Variants in MVB12B observed in about 807,000 individuals in gnomAD.
MVB12B encodes multivesicular body subunit 12B, also known as ESCRT-I complex subunit MVB12B.
Under a neutral mutation model 41.6 loss-of-function variants are expected in MVB12B, and 16 were observed. The ratio of observed to expected loss-of-function variants is 0.38; its 90% CI spans 0.26 to 0.58. MVB12B has a LOEUF of 0.58. Among genes scored for constraint, MVB12B ranks in the 20% least tolerant of loss-of-function variants. The probability of loss-of-function intolerance (pLI) is 0.62; values close to 1 mark genes in which losing one functional copy is unlikely to be tolerated. For missense variants in MVB12B, 274 were observed against 380.2 expected (o/e 0.72, Z 2.32); for synonymous variants, 133 against 139.7 (o/e 0.95, Z 0.34).
At chr9:126,402,841 A>G (rs889545497) in intron 6 of MVB12B, among the ~76,000 whole-genome samples, 1 of 152,202 alleles carries the variant, frequency 6.6e-6, no homozygotes, top group African/African-American at 2.4e-5. Flanking sequence ...CAGAACATAC[A>G]TTTTCATTGT....
chr9:126,343,934 T>A (rs1829518780), intron 2 of MVB12B, among the ~76,000 whole-genome samples: 1 of 151,752 alleles, frequency 6.6e-6, no homozygotes, highest in Non-Finnish European at 1.5e-5. Context: ...ATAAATTAAT[T>A]AATAAATAAA....
chr9:126,358,606 G>A (rs1401286973), intron 2 of MVB12B, among the ~76,000 whole-genome samples: 1 of 152,132 alleles, frequency 6.6e-6, no homozygotes, highest in East Asian at 1.9e-4. Context: ...CATTCTTGTT[G>A]ATAGAAATAC....
At chr9:126,431,689 G>A (rs1250196338) in intron 7 of MVB12B, among the ~76,000 whole-genome samples, 1 of 152,142 alleles carries the variant, frequency 6.6e-6, no homozygotes, top group Non-Finnish European at 1.5e-5. Flanking sequence ...ACTTGGAAAA[G>A]GGTTAAATCT....
intron 7 of MVB12B, among the ~76,000 whole-genome samples, chr9:126,443,285 C>G (rs1032653079): frequency 2.0e-5 from 3 of 152,158 alleles, no homozygotes; most frequent in Non-Finnish European, 4.4e-5. Context: ...GGGTGGACCT[C>G]CTGTCCCTCT....
chr9:126,401,327 C>T (rs1049805316), intron 6 of MVB12B, among the ~76,000 whole-genome samples: 3 of 152,248 alleles, frequency 2.0e-5, no homozygotes, highest in Non-Finnish European at 4.4e-5. Context: ...CAGTCATCTT[C>T]CTGTAATTTG....
intron 9 of MVB12B, among the ~76,000 whole-genome samples, chr9:126,499,615 G>A (rs1036856342): frequency 6.6e-6 from 1 of 152,160 alleles, no homozygotes; most frequent in African/African-American, 2.4e-5. Flanking sequence ...ACGGCGGGAG[G>A]AGCGGGCAGG....
chr9:126,389,574 G>A lies in MVB12B; in HGVS notation c.410-2492G>A, dbSNP rs1225457177. On this transcript the variant is annotated intron_variant, in intron 4 of 9. Coordinates refer to ENST00000361171, the MANE Select transcript of MVB12B (RefSeq NM_033446.3). The surrounding 1 kb of genome is among the most constrained non-coding windows in gnomAD (Gnocchi z 4.4). ...GGCTCCATCTCTTAACCCCGAGTTTGCTGCAGACGGAAGAATGGAGCCAAG... is the reference window on the plus strand; with the variant it reads ...GGCTCCATCTCTTAACCCCGAGTTTACTGCAGACGGAAGAATGGAGCCAAG... 1.3e-5 allele frequency among the ~76,000 whole-genome samples: 2 copies of A among 152,204 alleles called. No homozygotes were observed. The highest frequency in any genetic ancestry group is 2.9e-5 in the Non-Finnish European group (2 of 68,040).
chr9:126,478,124 C>G lies in MVB12B; in HGVS notation c.758-3245C>G, dbSNP rs1833454413. On this transcript the variant is annotated intron_variant, in intron 7 of 9. Coordinates refer to ENST00000361171, the MANE Select transcript of MVB12B (RefSeq NM_033446.3). This position sits in a 1 kb window ranked among gnomAD's most constrained non-coding sequence, Gnocchi z 4.2. ...CACACCATTGTGAATGTTCTAAATG[C>G]CACTGAATTGTTCACTTTAAAATGG... Among the ~76,000 whole-genome samples, 1 of 152,166 alleles carries G rather than the reference C, an allele frequency of 6.6e-6. No individual in the cohort carries two copies. The highest frequency in any genetic ancestry group is 2.4e-5 in the African/African-American group (1 of 41,420).
At chr9:126,447,721 C>G (rs1352621104) in intron 7 of MVB12B, among the ~76,000 whole-genome samples, 1 of 152,014 alleles carries the variant, frequency 6.6e-6, no homozygotes, top group Non-Finnish European at 1.5e-5. Flanking sequence ...GTATGTATAC[C>G]CCCATATAGA....
chr9:126,412,606 A>C (rs1360293008), intron 6 of MVB12B, among the ~76,000 whole-genome samples: 1 of 152,212 alleles, frequency 6.6e-6, no homozygotes, highest in African/African-American at 2.4e-5. Flanking sequence ...GATTAAAAGA[A>C]ATAATTTCTC....
In MVB12B at chr9:126,386,425, G is replaced by A. The variant is rs893963142; in HGVS notation, c.313-137G>A. The A allele has an allele frequency of 1.3e-5, 8 of 626,192 alleles. No homozygotes were observed. The highest frequency in any genetic ancestry group is 2.4e-5 in the Admixed American group (1 of 42,550). The allele number at this position is 626,192 out of a possible 1,614,324, so 38.8% of individuals were successfully genotyped here. A position where few individuals can be genotyped will look rare whatever the true frequency, so the allele number is the denominator to read the frequency against. The stretch of plus-strand genomic sequence containing the variant: ...GCATAACCACTGGGGACCATTAAGT[G>A]TCACCTACTCTAATTAACCTGCTGT... On this transcript the variant is annotated intron_variant, in intron 3 of 9. Transcript: ENST00000361171. This position sits in a 1 kb window ranked among gnomAD's most constrained non-coding sequence, Gnocchi z 4.3.
In MVB12B at chr9:126,484,037, G is replaced by A; in HGVS notation, c.873+5G>A. The stretch of plus-strand genomic sequence containing the variant: ...CTAGCAGAAATCGAAAAAGAGGTAA[G>A]CAAGCCATCAGGGGAGGGGAGGGCA... On this transcript the variant is annotated splice_donor_5th_base_variant and intron_variant, in intron 9 of 9. Transcript: ENST00000361171. The A allele has an allele frequency of 1.9e-6, 3 of 1,613,968 alleles. No individual in the cohort carries two copies. The highest frequency in any genetic ancestry group is 2.2e-5 in the East Asian group (1 of 44,874).
chr9:126,491,581 A>C (rs1456217969), intron 9 of MVB12B, among the ~76,000 whole-genome samples: 3 of 152,068 alleles, frequency 2.0e-5, no homozygotes, highest in African/African-American at 7.2e-5. Flanking sequence ...TTATTTCTTT[A>C]TTTTTCTGTT....
chr9:126,454,441 G>A (rs747768581), intron 7 of MVB12B, among the ~76,000 whole-genome samples: 2 of 152,246 alleles, frequency 1.3e-5, no homozygotes, highest in African/African-American at 2.4e-5. Context: ...AATGTTTCCT[G>A]TGTAGGCATT....
At chr9:126,493,010 G>T (rs1025933333) in intron 9 of MVB12B, among the ~76,000 whole-genome samples, 2 of 152,160 alleles carry the variant, frequency 1.3e-5, no homozygotes, top group African/African-American at 4.8e-5. Context: ...ACGTTTTAAA[G>T]AGAGCAAACT....
intron 6 of MVB12B, among the ~76,000 whole-genome samples, chr9:126,410,194 T>C (rs1002987354): frequency 6.6e-6 from 1 of 150,636 alleles, no homozygotes; most frequent in Non-Finnish European, 1.5e-5. Flanking sequence ...CGCGCATGCA[T>C]GCATGTGTGT....
intron 6 of MVB12B, among the ~76,000 whole-genome samples, chr9:126,410,888 C>CTTTT (rs770993852): frequency 2.2e-5 from 3 of 133,796 alleles, no homozygotes; most frequent in Admixed American, 1.5e-4. Context: ...TTGGTTATTT[C>CTTTT]TTTTTTTTTT....
intron 9 of MVB12B, among the ~76,000 whole-genome samples, chr9:126,499,074 T>C (rs1008987211): frequency 5.9e-5 from 9 of 152,086 alleles, no homozygotes; most frequent in Admixed American, 5.9e-4. Context: ...GACCAGTAGG[T>C]TCTATTGCCC....
intron 7 of MVB12B, among the ~76,000 whole-genome samples, chr9:126,425,454 C>T (rs1363926339): frequency 6.6e-6 from 1 of 152,112 alleles, no homozygotes; most frequent in Non-Finnish European, 1.5e-5. Flanking sequence ...AAAAAATACA[C>T]ACCTGATGTG....
Sources: gnomAD v4.1 joint callset for allele counts (sites outside exome capture counted in the v4.1 genomes callset) on GRCh38, gnomAD v4.1.1 for gene constraint, Gnocchi (gnomAD v3.1) non-coding constraint, MANE v1.5 for transcripts, NCBI Gene and HGNC (gene_info 2026-07-23, HGNC 2026-07-21) for gene names.